Variants in EML1 observed in about 807,000 individuals in gnomAD.
EML1 encodes EMAP like 1.
A neutral mutation model predicts 110.4 loss-of-function variants in EML1; 27 were observed. That is an observed-to-expected ratio of 0.24 (90% CI 0.18 to 0.34). The LOEUF is 0.34. Ranked by LOEUF, EML1 falls within the 10% of genes least tolerant of loss-of-function variation. EML1 has a pLI of 1.00. For missense variants in EML1, 741 were observed against 1,030.9 expected (o/e 0.72, Z 3.85); for synonymous variants, 344 against 385.8 (o/e 0.89, Z 1.27).
intron 3 of EML1, among the ~76,000 whole-genome samples, chr14:99,871,108 C>T (rs1444704832): frequency 6.6e-6 from 1 of 152,116 alleles, no homozygotes; most frequent in East Asian, 1.9e-4. Context: ...AGGCGCACAC[C>T]ACCATATCCA....
At chr14:99,914,815 T>A (rs2060006735) in intron 15 of EML1, 118 bp downstream of exon 15, 1 of 1,366,890 alleles carries the variant, frequency 7.3e-7, no homozygotes, top group East Asian at 2.6e-5. Context: ...ATGTTATTTA[T>A]CTATTTAGAG....
intron 15 of EML1, among the ~76,000 whole-genome samples, chr14:99,915,997 C>T (rs1254129345): frequency 6.6e-6 from 1 of 152,216 alleles, no homozygotes; most frequent in Non-Finnish European, 1.5e-5. Flanking sequence ...GGCACTGCCA[C>T]TCAGAGAGCA....
rs150678971 is a variant in EML1 at position 99,873,293 on chromosome 14, A to C, written c.384-5192A>C. 2.7e-3 allele frequency among the ~76,000 whole-genome samples: 406 copies of C among 152,350 alleles called. 6 individuals carry two copies. The highest frequency in any genetic ancestry group is 0.019 in the Admixed American group (292 of 15,298). ...GTGACAAATGTGAGATAGACTGGTA[A>C]ATATCTCTTGCTTCCAAACAAACAG... On this transcript the variant is annotated intron_variant, in intron 3 of 21. Coordinates refer to ENST00000262233, the MANE Select transcript of EML1 (RefSeq NM_004434.3).
chr14:99,881,154 C>G (rs1456745432), intron 4 of EML1, among the ~76,000 whole-genome samples: 1 of 152,200 alleles, frequency 6.6e-6, no homozygotes, highest in Non-Finnish European at 1.5e-5. Flanking sequence ...GTTCCAGAGC[C>G]CCATTCTCTT....
chr14:99,851,186 G>A (rs1377263685), intron 2 of EML1, 151 bp downstream of exon 2: 27 of 865,026 alleles, frequency 3.1e-5, no homozygotes, highest in South Asian at 5.4e-5. Flanking sequence ...ATAATCACAC[G>A]ACGTATGATA....
chr14:99,791,698 C>T (rs538965747), upstream of EML1, among the ~76,000 whole-genome samples: 30 of 152,252 alleles, frequency 2.0e-4, no homozygotes, highest in African/African-American at 7.0e-4. Flanking sequence ...AGCAACAGGC[C>T]GCGGCCCCTG....
chr14:99,862,942 T>C (rs968186496), intron 2 of EML1, among the ~76,000 whole-genome samples: 1 of 152,162 alleles, frequency 6.6e-6, no homozygotes, highest in Non-Finnish European at 1.5e-5. Flanking sequence ...TGTGTGTGGG[T>C]GTCTATGTAT....
chr14:99,773,106 A>G (rs1834507908), exon 1 of EML1: 1 of 152,216 alleles, frequency 6.6e-6, no homozygotes, highest in South Asian at 2.1e-4. Flanking sequence ...AAAATCCTTC[A>G]GGGCTCAGGC....
At chr14:99,820,352 A>C (rs1023965807) in intron 1 of EML1, among the ~76,000 whole-genome samples, 1 of 152,150 alleles carries the variant, frequency 6.6e-6, no homozygotes, top group Non-Finnish European at 1.5e-5. Context: ...TGGTCACTCA[A>C]CTGCATTGCT....
chr14:99,919,842 T>C (rs145122578), intron 16 of EML1, among the ~76,000 whole-genome samples: 531 of 152,230 alleles, frequency 3.5e-3, no homozygotes, highest in African/African-American at 0.012. Flanking sequence ...TCCACATTTC[T>C]GGGGGGCAGG....
At chr14:99,823,367 C>G (rs760567501) in intron 1 of EML1, among the ~76,000 whole-genome samples, 1 of 152,010 alleles carries the variant, frequency 6.6e-6, no homozygotes, top group Non-Finnish European at 1.5e-5. Flanking sequence ...CAGAACCAGG[C>G]ATTTCCAGTG....
At chr14:99,768,599 G>A (rs540578206), upstream of EML1, among the ~76,000 whole-genome samples, 97 of 152,268 alleles carry the variant, frequency 6.4e-4, no homozygotes, top group African/African-American at 2.2e-3. Flanking sequence ...GTGACAGCAC[G>A]GGATTACTGG....
intron 5 of EML1, chr14:99,892,007 G>C (rs1233217120): frequency 3.3e-6 from 1 of 299,714 alleles, no homozygotes; most frequent in Non-Finnish European, 4.9e-6. Flanking sequence ...CACTTGTCAG[G>C]ATCCCTGAAC....
intron 1 of EML1, among the ~76,000 whole-genome samples, chr14:99,786,667 G>A (rs961745141): frequency 6.6e-5 from 10 of 152,234 alleles, no homozygotes; most frequent in African/African-American, 1.2e-4. Context: ...TGAGAGTCGC[G>A]AAGAGGAGCT....
chr14:99,873,432 G>C (rs73358481), intron 3 of EML1, among the ~76,000 whole-genome samples: 1 of 152,172 alleles, frequency 6.6e-6, no homozygotes, highest in Non-Finnish European at 1.5e-5. Context: ...CCAAAATCTG[G>C]CTTCAGTTGA....
At chr14:99,910,977 C>T (rs974006976) in intron 12 of EML1, among the ~76,000 whole-genome samples, 5 of 152,154 alleles carry the variant, frequency 3.3e-5, no homozygotes, top group African/African-American at 1.2e-4. Flanking sequence ...ATTTCAGAAG[C>T]ATTGGTGACA....
chr14:99,861,750 G>A (rs751482580), intron 2 of EML1, among the ~76,000 whole-genome samples: 1 of 152,156 alleles, frequency 6.6e-6, no homozygotes, highest in Non-Finnish European at 1.5e-5. Context: ...CCAAAGTGCT[G>A]AGATTACAGG....
upstream of EML1, among the ~76,000 whole-genome samples, chr14:99,790,866 C>CTTTTTTTTTTTT (rs58349128): frequency 3.5e-5 from 5 of 142,684 alleles, no homozygotes; most frequent in African/African-American, 1.1e-4. Flanking sequence ...TTTTCTTTTC[C>CTTTTTTTTTTTT]TTTTTTTTTG....
At chr14:99,774,127 C>T (rs1472956080) in intron 1 of EML1, 1 of 152,432 alleles carries the variant, frequency 6.6e-6, no homozygotes, top group African/African-American at 2.4e-5. Context: ...AGAGCCTGGG[C>T]CAGGAGAAGA....
Sources: gnomAD v4.1 joint callset for allele counts (sites outside exome capture counted in the v4.1 genomes callset) on GRCh38, gnomAD v4.1.1 for gene constraint, MANE v1.5 for transcripts, NCBI Gene and HGNC (gene_info 2026-07-23, HGNC 2026-07-21) for gene names.